Variants in FLT1 observed in about 807,000 individuals in gnomAD.
The protein encoded by FLT1 is vascular endothelial growth factor receptor 1.
Under a neutral mutation model 156.3 loss-of-function variants are expected in FLT1, and 49 were observed. The ratio of observed to expected loss-of-function variants is 0.31; its 90% CI spans 0.25 to 0.40. The LOEUF is 0.40. Among genes scored for constraint, FLT1 ranks in the 10% least tolerant of loss-of-function variants. The pLI is 1.00. For missense variants in FLT1, 1,322 were observed against 1,637.2 expected, an observed-to-expected ratio of 0.81 and a Z score of 3.32; for synonymous variants, 594 against 583.8, an observed-to-expected ratio of 1.02 and a Z score of -0.25.
chr13:28,355,264 T>C (rs553031958), intron 15 of FLT1, among the ~76,000 whole-genome samples: 3 of 152,328 alleles, frequency 2.0e-5, no homozygotes, highest in South Asian at 2.1e-4. Flanking sequence ...CATCTGTAGA[T>C]TGAAGATACT....
chr13:28,386,106 C>T lies in FLT1; in HGVS notation c.1970-1075G>A, dbSNP rs1199231420. The T allele has an allele frequency of 1.0e-5, 11 of 1,053,740 alleles. No individual in the cohort carries two copies. In the South Asian group the frequency reaches 2.7e-4, roughly 26 times the overall value. 65.3% of individuals were successfully genotyped at this position (1,053,740 alleles called of 1,614,324 possible). Reference sequence around the variant, plus strand: ...TTATACAGTATGAGCTTTCTCTGCCCATTTTCGATTTCCTCATCTTAGTGT... The same window carrying T: ...TTATACAGTATGAGCTTTCTCTGCCTATTTTCGATTTCCTCATCTTAGTGT... On this transcript the variant is annotated intron_variant, in intron 13 of 29. Transcript: ENST00000282397.
At chr13:28,464,467 AT>A (rs1188724537) in intron 3 of FLT1, among the ~76,000 whole-genome samples, 1 of 152,260 alleles carries the variant, frequency 6.6e-6, no homozygotes, top group African/African-American at 2.4e-5. Flanking sequence ...CTCAATGTCA[AT>A]TTTAACATAG....
At chr13:28,375,212 C>T (rs963122240) in intron 14 of FLT1, among the ~76,000 whole-genome samples, 3 of 152,184 alleles carry the variant, frequency 2.0e-5, no homozygotes, top group African/African-American at 7.2e-5. Flanking sequence ...ACTGATTCTT[C>T]ATAAATAGCT....
chr13:28,494,672 G>T, intron 1 of FLT1, 108 bp downstream of exon 1: 1 of 838,778 alleles, frequency 1.2e-6, no homozygotes, highest in Non-Finnish European at 1.9e-6. Context: ...GCTTCTCCGG[G>T]CTACAGCCTC....
intron 16 of FLT1, among the ~76,000 whole-genome samples, chr13:28,341,101 C>A (rs1251667993): frequency 6.6e-6 from 1 of 152,074 alleles, no homozygotes; most frequent in Admixed American, 6.6e-5. Flanking sequence ...TGGGCTCATG[C>A]AGGATGTGTG....
intron 15 of FLT1, among the ~76,000 whole-genome samples, chr13:28,351,872 A>T (rs911957382): frequency 6.6e-6 from 1 of 152,222 alleles, no homozygotes; most frequent in Non-Finnish European, 1.5e-5. Flanking sequence ...ATATCTTATT[A>T]ACAAACGGTA....
At chr13:28,364,307 G>A (rs984432655) in intron 14 of FLT1, among the ~76,000 whole-genome samples, 1 of 152,106 alleles carries the variant, frequency 6.6e-6, no homozygotes, top group Non-Finnish European at 1.5e-5. Context: ...TGAACTCTTG[G>A]GCTCAAGTGA....
At chr13:28,430,559 A>G (rs1877622909) in intron 7 of FLT1, among the ~76,000 whole-genome samples, 1 of 152,186 alleles carries the variant, frequency 6.6e-6, no homozygotes, top group Non-Finnish European at 1.5e-5. Context: ...TCAACTGGAG[A>G]AAGACAAAAG....
rs530525778 is a variant in FLT1 at position 28,412,445 on chromosome 13, G to A, written c.1437-6551C>T. On this transcript the variant is annotated intron_variant, in intron 10 of 29. Coordinates refer to ENST00000282397, the MANE Select transcript of FLT1 (RefSeq NM_002019.4). Reference sequence around the variant, plus strand: ...TCTCTCTTTCTTTCTTTTTTGAGACGGGGTCTCACTGTGTTCCTCAGGCTG... The same window carrying A: ...TCTCTCTTTCTTTCTTTTTTGAGACAGGGTCTCACTGTGTTCCTCAGGCTG... 4.6e-5 allele frequency among the ~76,000 whole-genome samples: 6 copies of A among 129,186 alleles called. No individual in the cohort carries two copies. In the South Asian group the frequency reaches 8.0e-4, roughly 17 times the overall value. The allele number at this position is 129,186 out of a possible 152,430, so 84.8% of individuals were successfully genotyped here. A position where few individuals can be genotyped will look rare whatever the true frequency, so the allele number is the denominator to read the frequency against.
chr13:28,395,034 G>A (rs138321044), intron 12 of FLT1, among the ~76,000 whole-genome samples: 297 of 152,244 alleles, frequency 2.0e-3, no homozygotes, highest in Non-Finnish European at 3.5e-3. Flanking sequence ...ACAGGGTAAG[G>A]GGCGGAGAGG....
intron 10 of FLT1, among the ~76,000 whole-genome samples, chr13:28,411,247 T>C (rs893146406): frequency 2.6e-5 from 4 of 151,670 alleles, no homozygotes; most frequent in Non-Finnish European, 4.4e-5. Context: ...GGCTGATACA[T>C]TTTATCATTA....
At chr13:28,450,667 TATTA>T (rs1878880688) in intron 3 of FLT1, among the ~76,000 whole-genome samples, 1 of 152,222 alleles carries the variant, frequency 6.6e-6, no homozygotes, top group African/African-American at 2.4e-5. Context: ...TCCCAAGTCC[TATTA>T]TTTATTCCCA....
intron 1 of FLT1, among the ~76,000 whole-genome samples, chr13:28,488,923 C>T (rs919984040): frequency 6.6e-6 from 1 of 152,172 alleles, no homozygotes; most frequent in African/African-American, 2.4e-5. Context: ...GAAAGTCAAA[C>T]CCTAAAATTT....
At chr13:28,421,111 G>C (rs562675809) in intron 10 of FLT1, among the ~76,000 whole-genome samples, 1 of 152,148 alleles carries the variant, frequency 6.6e-6, no homozygotes, top group South Asian at 2.1e-4. Context: ...CACGAAGAGT[G>C]TTTCAGACAT....
In FLT1 at chr13:28,317,579, C is replaced by T. The variant is rs1871257882; in HGVS notation, c.3305G>A (p.Gly1102Glu). ...IFSLGGSPYP[G>E]VQMDEDFCSR... Reference sequence around the variant, plus strand: ...GCAAAAGTCCTCATCCATTTGTACTCCTGGGTATGGAGACCCACCTGCGGG... The same window carrying T: ...GCAAAAGTCCTCATCCATTTGTACTTCTGGGTATGGAGACCCACCTGCGGG... The change falls in exon 25 of 30, where the codon GGA becomes GAA. Residue 1102 changes from glycine to glutamate, a missense_variant. Gly to Glu is a moderately conservative substitution (Grantham distance 98). Transcript: ENST00000282397. 3 of 1,613,618 alleles carry T rather than the reference C, an allele frequency of 1.9e-6. No individual in the cohort carries two copies. The highest frequency in any genetic ancestry group is 2.5e-6 in the Non-Finnish European group (3 of 1,179,598).
chr13:28,305,895 G>A (rs542225399), intron 29 of FLT1, among the ~76,000 whole-genome samples: 1 of 152,274 alleles, frequency 6.6e-6, no homozygotes, highest in African/African-American at 2.4e-5. Flanking sequence ...CCCTGCTAAT[G>A]GCAGTAGGGA....
intron 1 of FLT1, among the ~76,000 whole-genome samples, chr13:28,485,662 A>G (rs966986232): frequency 6.6e-6 from 1 of 152,198 alleles, no homozygotes; most frequent in East Asian, 1.9e-4. Context: ...GCAGAGAGGC[A>G]TCTGCTTCCC....
intron 3 of FLT1, among the ~76,000 whole-genome samples, chr13:28,456,536 G>A (rs910304004): frequency 3.3e-5 from 5 of 152,150 alleles, no homozygotes; most frequent in African/African-American, 1.2e-4. Context: ...AGTGGCTCAT[G>A]CCTGTAATCC....
intron 14 of FLT1, among the ~76,000 whole-genome samples, chr13:28,359,942 C>T (rs925604201): frequency 6.6e-6 from 1 of 152,136 alleles, no homozygotes; most frequent in Non-Finnish European, 1.5e-5. Flanking sequence ...GAAACCCAGT[C>T]TCTACTAAAA....
Sources: gnomAD v4.1 joint callset for allele counts (sites outside exome capture counted in the v4.1 genomes callset) on GRCh38, gnomAD v4.1.1 for gene constraint, MANE v1.5 for transcripts, NCBI Gene and HGNC (gene_info 2026-07-23, HGNC 2026-07-21) for gene names.